The following NHEJ1 variants were observed in gnomAD, a reference collection of about 807,000 sequenced individuals.
The protein encoded by NHEJ1 is non-homologous end joining factor 1, also known as non-homologous end-joining factor 1.
In NHEJ1, 22 loss-of-function variants were observed where a neutral mutation model predicts 39.4. That is an observed-to-expected ratio of 0.56 (90% CI 0.40 to 0.80). The LOEUF (loss-of-function observed/expected upper bound fraction) is 0.80. Among genes scored for constraint, NHEJ1 ranks in the 30% least tolerant of loss-of-function variants. The pLI is 0.00. For synonymous variants in NHEJ1, 154 were observed against 135.6 expected, an observed-to-expected ratio of 1.14 and a Z score of -0.94; for missense variants, 329 against 357.1, an observed-to-expected ratio of 0.92 and a Z score of 0.63.
intron 5 of NHEJ1, among the ~76,000 whole-genome samples, chr2:219,103,085 G>A (rs183919484): frequency 5.7e-4 from 85 of 149,304 alleles, no homozygotes; most frequent in African/African-American, 1.8e-3. Context: ...GGAGGATGAG[G>A]CAGGAGAATC....
At chr2:219,159,566 T>TATCTATGC (rs1949902383) in intron 1 of NHEJ1, among the ~76,000 whole-genome samples, 1 of 17,660 alleles carries the variant, frequency 5.7e-5, no homozygotes, top group Admixed American at 7.8e-4. Flanking sequence ...TATATATGCA[T>TATCTATGC]ATATATATGC....
Position 219,072,053 on chromosome 2 carries a change from A to G in NHEJ1, c.*4328T>C. Among the ~76,000 whole-genome samples, 1 of 152,208 alleles carries G rather than the reference A, an allele frequency of 6.6e-6. No individual in the cohort carries two copies. The highest frequency in any genetic ancestry group is 1.9e-4 in the East Asian group (1 of 5,200). On this transcript the variant is annotated 3_prime_UTR_variant, in exon 8 of 8. Transcript: ENST00000356853. ...AAGATGGGATGAAAGATCAAGAAAG[A>G]TGGACTTCTAGATGTTCAAATAGAG...
At chr2:219,108,935 G>C (rs1949338417) in intron 5 of NHEJ1, among the ~76,000 whole-genome samples, 1 of 152,192 alleles carries the variant, frequency 6.6e-6, no homozygotes, top group Non-Finnish European at 1.5e-5. Context: ...ATTCCCCTGT[G>C]TATTCTACAT....
intron 3 of NHEJ1, among the ~76,000 whole-genome samples, chr2:219,152,041 G>C (rs1949801284): frequency 6.6e-6 from 1 of 152,112 alleles, no homozygotes; most frequent in Non-Finnish European, 1.5e-5. Flanking sequence ...GAAAAATCTT[G>C]AAGGGCTTTA....
At chr2:219,099,075 C>G (rs569949475) in intron 5 of NHEJ1, among the ~76,000 whole-genome samples, 1 of 152,174 alleles carries the variant, frequency 6.6e-6, no homozygotes, top group East Asian at 1.9e-4. Context: ...AATGTTGAGT[C>G]AAGGTAGAGG....
intron 5 of NHEJ1, among the ~76,000 whole-genome samples, chr2:219,116,339 G>A (rs1194276199): frequency 6.6e-6 from 1 of 151,946 alleles, no homozygotes. Flanking sequence ...CATTGCAATT[G>A]GTGGATATAA....
chr2:219,146,638 G>A (rs1456244943), intron 5 of NHEJ1, 42 bp downstream of exon 5: 2 of 1,501,756 alleles, frequency 1.3e-6, no homozygotes, highest in South Asian at 2.3e-5. Flanking sequence ...CTGGAAAGAG[G>A]AAGTAGGGCA....
intron 4 of NHEJ1, among the ~76,000 whole-genome samples, chr2:219,147,119 C>T (rs1949748464): frequency 6.6e-6 from 1 of 152,194 alleles, no homozygotes; most frequent in African/African-American, 2.4e-5. Flanking sequence ...TTGCCTAGGG[C>T]ATGTCTGGAC....
intron 3 of NHEJ1, among the ~76,000 whole-genome samples, chr2:219,151,231 TTGAAA>T (rs1006507353): frequency 8.6e-5 from 13 of 151,794 alleles, no homozygotes; most frequent in African/African-American, 3.1e-4. Flanking sequence ...ATGAGTTGAA[TTGAAA>T]TAATTGTCAT....
At chr2:219,137,593 CA>C (rs1290030506) in intron 5 of NHEJ1, among the ~76,000 whole-genome samples, 13 of 82,178 alleles carry the variant, frequency 1.6e-4, no homozygotes, top group African/African-American at 5.9e-4. Context: ...AAAAAAAAAA[CA>C]AAAAAAACTG....
intron 5 of NHEJ1, among the ~76,000 whole-genome samples, chr2:219,097,236 A>G (rs1381847517): frequency 6.6e-6 from 1 of 152,206 alleles, no homozygotes; most frequent in Non-Finnish European, 1.5e-5. Context: ...GTTTATCAGG[A>G]TGTAACCCCA....
chr2:219,155,299 T>A (rs908807699), intron 3 of NHEJ1, among the ~76,000 whole-genome samples: 6 of 151,998 alleles, frequency 3.9e-5, no homozygotes, highest in Non-Finnish European at 7.4e-5. Flanking sequence ...GGGGCCAGGC[T>A]CCTGCTTGTA....
chr2:219,074,945 G>A lies in NHEJ1; in HGVS notation c.*1436C>T, dbSNP rs1421397134. Reference sequence around the variant, plus strand: ...CTCTGCTAGCAGGAAAAAGCATGAGGGTAAGTCCTGGAGTCCTCAAGAGCT... The same window carrying A: ...CTCTGCTAGCAGGAAAAAGCATGAGAGTAAGTCCTGGAGTCCTCAAGAGCT... On this transcript the variant is annotated 3_prime_UTR_variant, in exon 8 of 8. Coordinates refer to ENST00000356853, the MANE Select transcript of NHEJ1 (RefSeq NM_024782.3). Among the ~76,000 whole-genome samples, 1 of 152,010 alleles carries A rather than the reference G, an allele frequency of 6.6e-6. No individual in the cohort carries two copies. The highest frequency in any genetic ancestry group is 1.9e-4 in the East Asian group (1 of 5,192).
chr2:219,146,256 T>C (rs1435776913), intron 5 of NHEJ1, among the ~76,000 whole-genome samples: 2 of 152,146 alleles, frequency 1.3e-5, no homozygotes, highest in Admixed American at 1.3e-4. Flanking sequence ...CCCCAAATGG[T>C]AGCCCTAAGC....
chr2:219,157,439 C>T, intron 3 of NHEJ1, 33 bp downstream of exon 3: 2 of 1,582,218 alleles, frequency 1.3e-6, no homozygotes, highest in South Asian at 2.2e-5. Flanking sequence ...AACTGGCATC[C>T]CTCCCCCAAC....
chr2:219,155,666 T>C (rs1406057979), intron 3 of NHEJ1, among the ~76,000 whole-genome samples: 1 of 152,190 alleles, frequency 6.6e-6, no homozygotes, highest in Non-Finnish European at 1.5e-5. Context: ...CTCACGCCTC[T>C]AATCCCAGCA....
chr2:219,080,644 T>G, intron 5 of NHEJ1, among the ~76,000 whole-genome samples: 2 of 105,304 alleles, frequency 1.9e-5, no homozygotes, highest in Non-Finnish European at 3.7e-5. Context: ...TATAAGCTTA[T>G]ATATATGCTA....
chr2:219,090,551 A>C (rs1949151499), intron 5 of NHEJ1, among the ~76,000 whole-genome samples: 2 of 152,174 alleles, frequency 1.3e-5, no homozygotes, highest in African/African-American at 4.8e-5. Context: ...CTCATAGTCT[A>C]GATGAAGAGT....
Position 219,071,350 on chromosome 2 carries a change from G to T in NHEJ1, c.*5031C>A, listed in dbSNP as rs748339013. ...TAGGAGGACTCTGGCCCGGGAGAGG[G>T]GGGTAGGGGTTAGGCAAACAGGCCA... On this transcript the variant is annotated 3_prime_UTR_variant, in exon 8 of 8. Transcript: ENST00000356853. 3.9e-5 allele frequency among the ~76,000 whole-genome samples: 6 copies of T among 152,184 alleles called. No homozygotes were observed. The highest frequency in any genetic ancestry group is 7.3e-5 in the Non-Finnish European group (5 of 68,034).
Sources: gnomAD v4.1 joint callset for allele counts (sites outside exome capture counted in the v4.1 genomes callset) on GRCh38, gnomAD v4.1.1 for gene constraint, MANE v1.5 for transcripts, NCBI Gene and HGNC (gene_info 2026-07-23, HGNC 2026-07-21) for gene names.